PDYN: variants seen among roughly 807,000 people sequenced by gnomAD.
PDYN encodes the protein proenkephalin-B.
A neutral mutation model predicts 11.4 loss-of-function variants in PDYN; 5 were observed. The ratio of observed to expected loss-of-function variants is 0.44; its 90% CI spans 0.23 to 0.92. The LOEUF (loss-of-function observed/expected upper bound fraction) is 0.92. PDYN is among the 40% of genes least tolerant of loss of function. The pLI, the probability that PDYN is intolerant of heterozygous loss-of-function variation, is 0.24. For synonymous variants in PDYN, 132 were observed against 129.5 expected, an observed-to-expected ratio of 1.02 and a Z score of -0.13; for missense variants, 337 against 317.3, an observed-to-expected ratio of 1.06 and a Z score of -0.47.
chr20:1,991,674 C>G (rs1295533050), intron 2 of PDYN, among the ~76,000 whole-genome samples: 2 of 152,202 alleles, frequency 1.3e-5, no homozygotes, highest in African/African-American at 4.8e-5. Context: ...TGAGAGAAAT[C>G]AGCTGTGTAA....
rs758969391 is a variant in PDYN, at chr20:1,980,815, G to A, written c.273C>T (p.Pro91=). The change falls in exon 4 of 4, where the codon CCC becomes CCT. Residue 91 remains proline (P), a synonymous_variant. Coordinates refer to ENST00000217305, the MANE Select transcript of PDYN (RefSeq NM_024411.5). ...DLGSKSVGEG[P]YSELAKLSGS... ...CAGAGAGCTTGGCCAGCTCACTGTAGGGCCCTTCCCCAACCGACTTGCTCC... is the reference window on the plus strand; with the variant it reads ...CAGAGAGCTTGGCCAGCTCACTGTAAGGCCCTTCCCCAACCGACTTGCTCC... 1.9e-6 allele frequency: 3 copies of A among 1,614,218 alleles called. No individual in the cohort carries two copies. The South Asian group carries it at 3.3e-5, about 18-fold the overall frequency.
chr20:1,993,722 G>A (rs1988550826), intron 1 of PDYN, 189 bp downstream of exon 1: 1 of 152,264 alleles, frequency 6.6e-6, no homozygotes, highest in South Asian at 2.1e-4. Flanking sequence ...GAAAGGGAGA[G>A]TCCAAAGAGC....
chr20:1,985,683 C>T (rs1395520292), intron 2 of PDYN, among the ~76,000 whole-genome samples: 3 of 152,108 alleles, frequency 2.0e-5, no homozygotes, highest in Non-Finnish European at 2.9e-5. Context: ...CCATGTGCCT[C>T]GCTTGAGGCT....
intron 2 of PDYN, among the ~76,000 whole-genome samples, chr20:1,991,500 C>T (rs1988445761): frequency 6.6e-6 from 1 of 152,114 alleles, no homozygotes; most frequent in Admixed American, 6.5e-5. Context: ...ACTAACAGAC[C>T]CCACTCCATT....
rs886056534 is a variant in PDYN at position 1,980,062 on chromosome 20, G to A, written c.*261C>T. The A allele has an allele frequency of 2.2e-5, 12 of 533,792 alleles. No individual in the cohort carries two copies. Among genetic ancestry groups the A allele is most frequent in the East Asian group, 1.0e-4 (3 of 29,182 alleles). 33.1% of individuals were successfully genotyped at this position (533,792 alleles called of 1,614,324 possible). The stretch of plus-strand genomic sequence containing the variant: ...AACTGCTGCTGCTGCTGCTGCTGCC[G>A]CTGCTGATAGTTTTAGAGTCTAGGT... On this transcript the variant is annotated 3_prime_UTR_variant, in exon 4 of 4. Transcript: ENST00000217305.
chr20:1,988,568 G>A (rs1016748982), intron 2 of PDYN, among the ~76,000 whole-genome samples: 3 of 152,168 alleles, frequency 2.0e-5, no homozygotes, highest in African/African-American at 7.2e-5. Context: ...TGAGAAGTGG[G>A]AAGCAAGCCC....
chr20:1,991,199 A>G (rs1391897732), intron 2 of PDYN, among the ~76,000 whole-genome samples: 1 of 152,218 alleles, frequency 6.6e-6, no homozygotes, highest in Non-Finnish European at 1.5e-5. Context: ...AGTGGGCAAG[A>G]GACCCTGCCA....
rs113418048 is a variant in PDYN, at chr20:1,989,539, G to A, written c.-20+3045C>T. ...CTTGAAAGGGAATGATCTTTTTGAC[G>A]TCTTGGCTTCTCGATGATATTTCTA... On this transcript the variant is annotated intron_variant, in intron 2 of 3. Transcript: ENST00000217305. Among the ~76,000 whole-genome samples the A allele has an allele frequency of 1.5e-3, 226 of 152,250 alleles. 1 individual carries two copies. The highest frequency in any genetic ancestry group is 4.9e-3 in the African/African-American group (204 of 41,540).
intron 2 of PDYN, among the ~76,000 whole-genome samples, chr20:1,987,923 G>A (rs965060486): frequency 8.5e-5 from 13 of 152,322 alleles, no homozygotes; most frequent in South Asian, 6.2e-4. Flanking sequence ...TACTTGAGCT[G>A]TAGGGGATAG....
In PDYN at chr20:1,988,126, G is replaced by A. The variant is rs148153021; in HGVS notation, c.-20+4458C>T. Among the ~76,000 whole-genome samples the A allele has an allele frequency of 4.3e-3, 649 of 152,286 alleles. 4 individuals carry two copies. Among genetic ancestry groups the A allele is most frequent in the African/African-American group, 0.015 (625 of 41,550 alleles). ...TCAGGAGCCTACTGGGTGCCAGGCT[G>A]TGCATTACTGCTTTGTACATATTAG... On this transcript the variant is annotated intron_variant, in intron 2 of 3. Coordinates refer to ENST00000217305, the MANE Select transcript of PDYN (RefSeq NM_024411.5).
At chr20:1,989,804 C>T (rs1320110094) in intron 2 of PDYN, among the ~76,000 whole-genome samples, 2 of 152,198 alleles carry the variant, frequency 1.3e-5, no homozygotes, top group Non-Finnish European at 2.9e-5. Flanking sequence ...ACACCTGAAC[C>T]GTGACTCCCA....
intron 1 of PDYN, among the ~76,000 whole-genome samples, chr20:1,993,021 T>A (rs1391277509): frequency 6.6e-6 from 1 of 151,390 alleles, no homozygotes; most frequent in Non-Finnish European, 1.5e-5. Flanking sequence ...AGTTGCAGAA[T>A]TTACTCTTCA....
Position 1,980,720 on chromosome 20 carries a change from C to T in PDYN, c.368G>A (p.Ser123Asn), listed in dbSNP as rs1466770527. The change falls in exon 4 of 4, where the codon AGC becomes AAC. Residue 123 changes from serine to asparagine, a missense_variant. By Grantham distance (46) the Ser-to-Asn change is conservative. Transcript: ENST00000217305. ...PSISTKENTL[S>N]KSLEEKLRGL... Reference sequence around the variant, plus strand: ...CCTGAGCTTCTCCTCCAGGCTCTTGCTCAGAGTGTTCTCCTTTGTTGAGAT... The same window carrying T: ...CCTGAGCTTCTCCTCCAGGCTCTTGTTCAGAGTGTTCTCCTTTGTTGAGAT... 6.2e-7 allele frequency: 1 copy of T among 1,614,212 alleles called. No individual in the cohort carries two copies. Among genetic ancestry groups the T allele is most frequent in the South Asian group, 1.1e-5 (1 of 91,088 alleles).
At chr20:1,981,477 C>G (rs1389108036) in intron 3 of PDYN, among the ~76,000 whole-genome samples, 1 of 152,118 alleles carries the variant, frequency 6.6e-6, no homozygotes, top group Non-Finnish European at 1.5e-5. Context: ...AGCATTCAAT[C>G]ATAATGACGA....
At chr20:1,990,227 G>T (rs78143128) in intron 2 of PDYN, among the ~76,000 whole-genome samples, 5 of 152,284 alleles carry the variant, frequency 3.3e-5, no homozygotes, top group African/African-American at 1.2e-4. Flanking sequence ...CAAGAAGCAA[G>T]GAAACAGCAG....
chr20:1,984,770 G>A (rs1216269489), intron 2 of PDYN, among the ~76,000 whole-genome samples: 1 of 152,022 alleles, frequency 6.6e-6, no homozygotes, highest in African/African-American at 2.4e-5. Context: ...AGAGTGGCAT[G>A]TACCTGTAGC....
chr20:1,984,422 GGTT>G (rs1475129835), intron 2 of PDYN, among the ~76,000 whole-genome samples: 1 of 152,106 alleles, frequency 6.6e-6, no homozygotes, highest in Admixed American at 6.6e-5. Context: ...TCTGATGCTT[GGTT>G]GTTGTTGGTG....
In PDYN at chr20:1,985,610, G is replaced by A. The variant is rs1422684781; in HGVS notation, c.-19-2507C>T. ...CCCCACTTTATAGACAAGAAAACTGGTGCTCAGAGAGGCTTAGTAAATCTC... is the reference window on the plus strand; with the variant it reads ...CCCCACTTTATAGACAAGAAAACTGATGCTCAGAGAGGCTTAGTAAATCTC... On this transcript the variant is annotated intron_variant, in intron 2 of 3. Transcript: ENST00000217305. Among the ~76,000 whole-genome samples, 4 of 152,162 alleles carry A rather than the reference G, an allele frequency of 2.6e-5. No individual in the cohort carries two copies. In the South Asian group the frequency reaches 6.2e-4, roughly 24 times the overall value.
chr20:1,983,079 G>A lies in PDYN; in HGVS notation c.6C>T (p.Ala2=). The A allele has an allele frequency of 6.2e-7, 1 of 1,613,524 alleles. No homozygotes were observed. The highest frequency in any genetic ancestry group is 8.5e-7 in the Non-Finnish European group (1 of 1,179,880). The change falls in exon 3 of 4, where the codon GCC becomes GCT. Residue 2 remains alanine (A), a synonymous_variant. Transcript: ENST00000217305. ...AGGCAGCCAGGACCAGCCCCTGCCAGGCCATCCTGTCTCAGCAATTCCTGC... is the reference window on the plus strand; with the variant it reads ...AGGCAGCCAGGACCAGCCCCTGCCAAGCCATCCTGTCTCAGCAATTCCTGC... The part of the protein sequence containing the change: M[A]WQGLVLAACL...
Sources: gnomAD v4.1 joint callset for allele counts (sites outside exome capture counted in the v4.1 genomes callset) on GRCh38, gnomAD v4.1.1 for gene constraint, MANE v1.5 for transcripts, NCBI Gene and HGNC (gene_info 2026-07-23, HGNC 2026-07-21) for gene names.